The following CTNND1 variants were observed in gnomAD, a reference collection of about 807,000 sequenced individuals.
CTNND1 encodes the protein catenin delta-1.
In CTNND1, 16 loss-of-function variants were observed where a neutral mutation model predicts 112.1. That is an observed-to-expected ratio of 0.14 (90% CI 0.10 to 0.22). The LOEUF is 0.22. Among genes scored for constraint, CTNND1 ranks in the 10% least tolerant of loss-of-function variants. The probability of loss-of-function intolerance (pLI) is 1.00; values close to 1 mark genes in which losing one functional copy is unlikely to be tolerated. For synonymous variants in CTNND1, 420 were observed against 446.5 expected (o/e 0.94, Z 0.75); for missense variants, 1,008 against 1,257.0 (o/e 0.80, Z 3.00).
At chr11:57,792,109 TG>T (rs1443169925) in intron 3 of CTNND1, among the ~76,000 whole-genome samples, 2 of 152,304 alleles carry the variant, frequency 1.3e-5, no homozygotes, top group African/African-American at 4.8e-5. Context: ...TACCCAGGTG[TG>T]GCAGTATCCA....
At chr11:57,815,165 T>G (rs1470865093) in intron 18 of CTNND1, among the ~76,000 whole-genome samples, 1 of 152,180 alleles carries the variant, frequency 6.6e-6, no homozygotes, top group Non-Finnish European at 1.5e-5. Context: ...TGGCCTTAAG[T>G]GATCTGCCCG....
intron 1 of CTNND1, among the ~76,000 whole-genome samples, chr11:57,785,159 G>A (rs945411028): frequency 6.6e-6 from 1 of 152,056 alleles, no homozygotes; most frequent in Non-Finnish European, 1.5e-5. Flanking sequence ...ATGAAAGAGG[G>A]GAGCCTGGGG....
intron 1 of CTNND1, among the ~76,000 whole-genome samples, chr11:57,763,328 A>G (rs1360121356): frequency 6.6e-6 from 1 of 152,154 alleles, no homozygotes; most frequent in Non-Finnish European, 1.5e-5. Flanking sequence ...TTGTAACAAG[A>G]TGGGCTTTAG....
At chr11:57,793,620 T>C (rs1237199560) in intron 3 of CTNND1, among the ~76,000 whole-genome samples, 1 of 152,246 alleles carries the variant, frequency 6.6e-6, no homozygotes, top group East Asian at 1.9e-4. Context: ...TACATTTTTA[T>C]GGCTTTCCAA....
intron 8 of CTNND1, 104 bp from the exon 9 acceptor site, chr11:57,804,559 A>T: frequency 1.2e-6 from 1 of 829,438 alleles, no homozygotes; most frequent in Non-Finnish European, 2.0e-6. Flanking sequence ...ATTTACTATT[A>T]CAGTGAGTAG....
At chr11:57,764,402 T>C (rs1369396996) in intron 1 of CTNND1, among the ~76,000 whole-genome samples, 1 of 152,162 alleles carries the variant, frequency 6.6e-6, no homozygotes, top group Non-Finnish European at 1.5e-5. Flanking sequence ...AATCCAGCCT[T>C]AGGTTTATGA....
At chr11:57,790,542 C>CTGTG (rs1161302523) in intron 2 of CTNND1, among the ~76,000 whole-genome samples, 18 of 98,740 alleles carry the variant, frequency 1.8e-4, no homozygotes, top group African/African-American at 5.8e-4. Flanking sequence ...CTAATTTTGT[C>CTGTG]TGTGTGTGTG....
At chr11:57,804,930 G>A in intron 9 of CTNND1, 150 bp downstream of exon 9, 1 of 615,360 alleles carries the variant, frequency 1.6e-6, no homozygotes, top group Non-Finnish European at 2.8e-6. Context: ...ACAGAGTCTT[G>A]CTCTGTTGCC....
At chr11:57,797,063 T>G in intron 6 of CTNND1, 71 bp downstream of exon 6, 3 of 1,318,500 alleles carry the variant, frequency 2.3e-6, no homozygotes, top group Non-Finnish European at 3.0e-6. Flanking sequence ...TTCCTTCAAC[T>G]TCTAGGGGCT....
In CTNND1 at chr11:57,777,489, C is replaced by T. The variant is rs1026892477; in HGVS notation, c.-213-11548C>T. On this transcript the variant is annotated intron_variant, in intron 1 of 20. Coordinates refer to ENST00000399050, the MANE Select transcript of CTNND1 (RefSeq NM_001085458.2). ...TTCACCATGTTGGCCAGCCTGGTCT[C>T]GAACTCCTGACCTCCAGTGGTTTGC... 1.1e-4 allele frequency among the ~76,000 whole-genome samples: 17 copies of T among 152,248 alleles called. No homozygotes were observed. The East Asian group carries it at 2.9e-3, about 26-fold the overall frequency.
At chr11:57,806,559 A>C in intron 11 of CTNND1, 81 bp downstream of exon 11, 1 of 1,297,856 alleles carries the variant, frequency 7.7e-7, no homozygotes, top group Non-Finnish European at 1.1e-6. Flanking sequence ...TCCTTGCCTA[A>C]CCTTTCCCTG....
intron 4 of CTNND1, among the ~76,000 whole-genome samples, chr11:57,794,575 C>T (rs868591305): frequency 4.0e-5 from 6 of 150,566 alleles, no homozygotes; most frequent in Admixed American, 1.3e-4. Flanking sequence ...CACCTCAGGT[C>T]GGGAGTTGGA....
chr11:57,777,310 CCAGGCTGGAGTGTAGTGGCATGATCT>C (rs1297081551), intron 1 of CTNND1, among the ~76,000 whole-genome samples: 4 of 152,034 alleles, frequency 2.6e-5, no homozygotes, highest in Non-Finnish European at 4.4e-5. Flanking sequence ...TTTTGGTCAC[CCAGGCTGGAGTGTAGTGGCATGATCT>C]CAGCTCACTG....
At chr11:57,790,990 G>C (rs1188051830) in intron 2 of CTNND1, among the ~76,000 whole-genome samples, 1 of 152,030 alleles carries the variant, frequency 6.6e-6, no homozygotes, top group African/African-American at 2.4e-5. Flanking sequence ...ATCTCTAAAA[G>C]TGGCTTGTCC....
intron 1 of CTNND1, among the ~76,000 whole-genome samples, chr11:57,780,843 A>G (rs2059498303): frequency 6.6e-6 from 1 of 152,230 alleles, no homozygotes; most frequent in Non-Finnish European, 1.5e-5. Flanking sequence ...TGGCTCAATT[A>G]CATGCTTCCA....
chr11:57,815,595 TC>T, intron 19 of CTNND1, 95 bp downstream of exon 19: 1 of 1,084,882 alleles, frequency 9.2e-7, no homozygotes, highest in Non-Finnish European at 1.4e-6. Flanking sequence ...CAGAGAAAGA[TC>T]GCATCCTTTT....
chr11:57,780,839 A>G (rs1330462977), intron 1 of CTNND1, among the ~76,000 whole-genome samples: 1 of 152,204 alleles, frequency 6.6e-6, no homozygotes, highest in Non-Finnish European at 1.5e-5. Context: ...AATCTGGCTC[A>G]ATTACATGCT....
intron 16 of CTNND1, among the ~76,000 whole-genome samples, 190 bp downstream of exon 16, chr11:57,810,413 C>T (rs1565375252): frequency 1.3e-5 from 2 of 152,020 alleles, no homozygotes; most frequent in South Asian, 2.1e-4. Context: ...ACTGCAACCT[C>T]TGCCTCCCGG....
chr11:57,814,590 C>T (rs2063738341), intron 18 of CTNND1, among the ~76,000 whole-genome samples: 1 of 152,138 alleles, frequency 6.6e-6, no homozygotes, highest in South Asian at 2.1e-4. Context: ...TTTCAGAAAT[C>T]TTTCTATGCC....
Sources: allele counts gnomAD v4.1 joint callset (sites outside exome capture counted in the v4.1 genomes callset), GRCh38; gene constraint gnomAD v4.1.1; transcripts MANE v1.5; gene names NCBI Gene and HGNC (gene_info 2026-07-23, HGNC 2026-07-21).